Variants in CSMD2 observed in about 807,000 individuals in gnomAD.
The protein encoded by CSMD2 is CUB and sushi domain-containing protein 2.
Under a neutral mutation model 398.5 loss-of-function variants are expected in CSMD2, and 130 were observed. That is an observed-to-expected ratio of 0.33 (90% CI 0.28 to 0.38). The LOEUF (loss-of-function observed/expected upper bound fraction) is 0.38. Ranked by LOEUF, CSMD2 falls within the 10% of genes least tolerant of loss-of-function variation. CSMD2 has a pLI of 1.00. For missense variants in CSMD2, 3,829 were observed against 4,764.9 expected (o/e 0.80, Z 5.78); for synonymous variants, 1,828 against 1,908.5 (o/e 0.96, Z 1.10).
intron 13 of CSMD2, among the ~76,000 whole-genome samples, chr1:33,758,078 A>T (rs563240822): frequency 1.8e-4 from 27 of 152,328 alleles, no homozygotes; most frequent in African/African-American, 6.5e-4. Context: ...GGGGCACAAA[A>T]GACTCTCAGT....
At chr1:33,787,606 C>T (rs753462019) in intron 12 of CSMD2, among the ~76,000 whole-genome samples, 2 of 152,198 alleles carry the variant, frequency 1.3e-5, no homozygotes, top group Admixed American at 6.5e-5. Context: ...CCCTCCATCT[C>T]GCCACTAGAG....
intron 5 of CSMD2, among the ~76,000 whole-genome samples, chr1:33,881,687 A>G (rs1027524898): frequency 1.3e-5 from 2 of 152,182 alleles, no homozygotes; most frequent in Admixed American, 1.3e-4. Context: ...AGGTGGTGGG[A>G]GCTTTCAAAA....
chr1:33,776,065 C>T (rs1260493738), intron 12 of CSMD2, among the ~76,000 whole-genome samples: 1 of 152,158 alleles, frequency 6.6e-6, no homozygotes, highest in African/African-American at 2.4e-5. Context: ...TGATATCACT[C>T]TCTCTAGAGA....
chr1:33,689,177 G>A lies in CSMD2; in HGVS notation c.4052+3753C>T, dbSNP rs1039152058. ...TGAGCACACATAAATACAGCTGTAC[G>A]TGTGCATGCTATGCATACTGGCTGG... On this transcript the variant is annotated intron_variant, in intron 25 of 70. Transcript: ENST00000373381. Among the ~76,000 whole-genome samples the A allele has an allele frequency of 3.9e-5, 6 of 152,190 alleles. No homozygotes were observed. The East Asian group carries it at 9.7e-4, about 25-fold the overall frequency.
intron 2 of CSMD2, among the ~76,000 whole-genome samples, chr1:34,078,515 G>A (rs900481524): frequency 1.3e-5 from 2 of 152,098 alleles, no homozygotes; most frequent in South Asian, 2.1e-4. Flanking sequence ...CAATGTTTCC[G>A]GACCACGTAA....
intron 3 of CSMD2, among the ~76,000 whole-genome samples, chr1:33,958,054 AG>A (rs772081116): frequency 5.9e-5 from 9 of 152,096 alleles, no homozygotes; most frequent in Non-Finnish European, 8.8e-5. Flanking sequence ...TGCTTCATGC[AG>A]GGTTTCCATG....
chr1:33,590,847 C>T (rs1041240160), intron 44 of CSMD2, among the ~76,000 whole-genome samples: 2 of 152,042 alleles, frequency 1.3e-5, no homozygotes, highest in African/African-American at 4.8e-5. Context: ...GGGGCAATTG[C>T]TTTATTAATG....
intron 26 of CSMD2, among the ~76,000 whole-genome samples, chr1:33,658,779 C>T (rs1383381043): frequency 6.6e-6 from 1 of 152,094 alleles, no homozygotes; most frequent in Non-Finnish European, 1.5e-5. Flanking sequence ...TGGGAGGATC[C>T]TTTAAGCCCA....
intron 9 of CSMD2, among the ~76,000 whole-genome samples, chr1:33,818,334 G>A (rs1378513417): frequency 2.6e-5 from 4 of 152,248 alleles, no homozygotes; most frequent in South Asian, 4.1e-4. Flanking sequence ...TACATGCCAC[G>A]CCCCATTTTA....
rs1655861748 is a variant in CSMD2 at position 33,537,022 on chromosome 1, C to T, written c.9879G>A (p.Gln3293=). Residue 3293 remains glutamine (Q), a splice_region_variant and synonymous_variant, in exon 62 of 71, where the codon CAG becomes CAA. Coordinates refer to ENST00000373381, the MANE Select transcript of CSMD2 (RefSeq NM_001281956.2). This position sits in a 1 kb window ranked among gnomAD's most constrained non-coding sequence, Gnocchi z 4.6. ...FGIQNNSQGY[Q]VGSTVLFRCQ... Reference sequence around the variant, plus strand: ...ACCCTATCTTGGCTGACCTCCTTACCTGGTAGCCCTGAGAATTGTTCTGTA... The same window carrying T: ...ACCCTATCTTGGCTGACCTCCTTACTTGGTAGCCCTGAGAATTGTTCTGTA... 1 of 1,613,996 alleles carries T rather than the reference C, an allele frequency of 6.2e-7. No individual in the cohort carries two copies. Among genetic ancestry groups the T allele is most frequent in the Non-Finnish European group, 8.5e-7 (1 of 1,179,996 alleles).
intron 5 of CSMD2, among the ~76,000 whole-genome samples, chr1:33,847,722 A>G (rs1418599570): frequency 1.3e-5 from 2 of 152,176 alleles, no homozygotes. Context: ...AATGTGGCCT[A>G]GTAGTGAAGA....
chr1:33,559,166 C>T lies in CSMD2; in HGVS notation c.8554+134G>A, dbSNP rs1658321188. 4 of 772,942 alleles carry T rather than the reference C, an allele frequency of 5.2e-6. No individual in the cohort carries two copies. The South Asian group carries it at 6.5e-5, about 13-fold the overall frequency. The allele number at this position is 772,942 out of a possible 1,614,324, so 47.9% of individuals were successfully genotyped here. A position where few individuals can be genotyped will look rare whatever the true frequency, so the allele number is the denominator to read the frequency against. ...GGGTTGAGAAAGTCCTCATTTATGA[C>T]CCTTCTCTGCTCCATCTTCCCTATC... is the stretch of plus-strand genomic sequence containing the variant. On this transcript the variant is annotated intron_variant, in intron 54 of 70. Coordinates refer to ENST00000373381, the MANE Select transcript of CSMD2 (RefSeq NM_001281956.2). This position sits in a 1 kb window ranked among gnomAD's most constrained non-coding sequence, Gnocchi z 4.0.
intron 68 of CSMD2, 127 bp downstream of exon 68, chr1:33,521,336 C>T (rs993493818): frequency 1.6e-5 from 11 of 692,602 alleles, no homozygotes; most frequent in Middle Eastern, 3.1e-4. Flanking sequence ...CATCCCTGAT[C>T]CCAAAGAGGC....
intron 49 of CSMD2, 95 bp downstream of exon 49, chr1:33,577,201 G>A: frequency 8.7e-7 from 1 of 1,156,026 alleles, no homozygotes; most frequent in South Asian, 1.6e-5. Context: ...TATCAAAGAG[G>A]AAACCCACAT....
At chr1:34,155,076 T>C (rs1291002994) in intron 1 of CSMD2, among the ~76,000 whole-genome samples, 1 of 152,168 alleles carries the variant, frequency 6.6e-6, no homozygotes, top group African/African-American at 2.4e-5. Flanking sequence ...GAATGAGTAC[T>C]TATTGGGATT....
rs1434770615 is a variant in CSMD2, at chr1:33,567,676, T to C, written c.8297A>G (p.Asn2766Ser). The stretch of plus-strand genomic sequence containing the variant: ...CATGCCGATCAGGCGGAAGCCAGCA[T>C]TGCATTGGTACACCACACTGCCCCG... ...SYRGSVVYQC[N>S]AGFRLIGMSV... The change falls in exon 53 of 71, where the codon AAT (asparagine) becomes AGT (serine). Residue 2766 changes from asparagine to serine, a missense_variant. Asn to Ser is a conservative substitution (Grantham distance 46). Coordinates refer to ENST00000373381, the MANE Select transcript of CSMD2 (RefSeq NM_001281956.2). The C allele has an allele frequency of 6.2e-7, 1 of 1,613,940 alleles. No homozygotes were observed. The highest frequency in any genetic ancestry group is 1.3e-5 in the African/African-American group (1 of 74,894).
intron 4 of CSMD2, among the ~76,000 whole-genome samples, chr1:33,923,439 T>A (rs538707606): frequency 3.6e-4 from 55 of 152,280 alleles, no homozygotes; most frequent in African/African-American, 1.3e-3. Context: ...CCCCAGAAGC[T>A]GAGCAGATGC....
intron 56 of CSMD2, among the ~76,000 whole-genome samples, chr1:33,548,344 G>A (rs887439327): frequency 2.0e-5 from 3 of 152,194 alleles, no homozygotes; most frequent in African/African-American, 7.2e-5. Context: ...ATTGCACCAT[G>A]GGGGCAGAGT....
intron 2 of CSMD2, among the ~76,000 whole-genome samples, chr1:34,050,264 A>G (rs1653023597): frequency 6.6e-6 from 1 of 152,192 alleles, no homozygotes; most frequent in African/African-American, 2.4e-5. Context: ...CTTCCATTGT[A>G]GAAGGAGAAG....
Sources: allele counts gnomAD v4.1 joint callset (sites outside exome capture counted in the v4.1 genomes callset), GRCh38; gene constraint gnomAD v4.1.1; non-coding constraint Gnocchi (gnomAD v3.1); transcripts MANE v1.5; gene names NCBI Gene and HGNC (gene_info 2026-07-23, HGNC 2026-07-21).